The following PVT1 variants were observed in gnomAD, a reference collection of about 807,000 sequenced individuals.
PVT1 encodes the protein Pvt1 oncogene, also known as CXCR4/PVT1 fusion.
intron 2 of PVT1, among the ~76,000 whole-genome samples, chr8:127,831,151 C>CTATATA (rs762910145): frequency 1.4e-5 from 2 of 147,178 alleles, no homozygotes; most frequent in African/African-American, 5.2e-5. Flanking sequence ...CTCTCTCTCT[C>CTATATA]TCTCTATATA....
intron 2 of PVT1, among the ~76,000 whole-genome samples, chr8:127,880,732 CT>C: frequency 6.6e-6 from 1 of 152,018 alleles, no homozygotes; most frequent in East Asian, 1.9e-4. Flanking sequence ...TCCCGAGTAG[CT>C]GCGACTATAG....
At chr8:128,031,106 G>A (rs1813382032) in intron 4 of PVT1, among the ~76,000 whole-genome samples, 4 of 152,198 alleles carry the variant, frequency 2.6e-5, no homozygotes, top group African/African-American at 9.6e-5. Flanking sequence ...TGGGGTCGGC[G>A]CACCTGGCCT....
chr8:128,009,070 T>C, intron 4 of PVT1: 1 of 313,766 alleles, frequency 3.2e-6, no homozygotes, highest in South Asian at 2.8e-5. Flanking sequence ...ATCAAGATAA[T>C]TATGAAGTAT....
At chr8:128,052,550 T>A (rs186715201) in intron 4 of PVT1, among the ~76,000 whole-genome samples, 1 of 152,372 alleles carries the variant, frequency 6.6e-6, no homozygotes, top group Admixed American at 6.5e-5. Context: ...TTGCTGTTTC[T>A]ATGAAGGGAT....
At chr8:127,880,692 C>A (rs768004373) in intron 2 of PVT1, among the ~76,000 whole-genome samples, 4 of 149,998 alleles carry the variant, frequency 2.7e-5, no homozygotes, top group Non-Finnish European at 4.4e-5. Flanking sequence ...CTTCCGCCTG[C>A]TGGGTTCAAG....
At chr8:128,040,915 T>TGC (rs1813523925) in intron 4 of PVT1, among the ~76,000 whole-genome samples, 2 of 144,904 alleles carry the variant, frequency 1.4e-5, no homozygotes, top group South Asian at 2.3e-4. Context: ...CATGTGTGCA[T>TGC]ATGTGTGTGT....
At chr8:127,968,873 G>A (rs940068487) in intron 3 of PVT1, among the ~76,000 whole-genome samples, 1 of 152,176 alleles carries the variant, frequency 6.6e-6, no homozygotes, top group African/African-American at 2.4e-5. Flanking sequence ...ACAGCACCAA[G>A]TCAAGGGAGG....
chr8:128,045,634 GAAGGGTGTGTTAC>G (rs1295353253), intron 4 of PVT1, among the ~76,000 whole-genome samples: 1 of 152,200 alleles, frequency 6.6e-6, no homozygotes, highest in Non-Finnish European at 1.5e-5. Context: ...GAAGACTTTG[GAAGGGTGTGTTAC>G]AAAAGCAGTG....
At chr8:128,008,599 T>C (rs1329943591) in intron 4 of PVT1, among the ~76,000 whole-genome samples, 1 of 152,248 alleles carries the variant, frequency 6.6e-6, no homozygotes, top group East Asian at 1.9e-4. Flanking sequence ...TTCTAAATGT[T>C]AGTTTCATTG....
At chr8:127,984,737 G>A (rs1359682859) in intron 3 of PVT1, among the ~76,000 whole-genome samples, 1 of 152,138 alleles carries the variant, frequency 6.6e-6, no homozygotes, top group Non-Finnish European at 1.5e-5. Flanking sequence ...CACCCAAGCA[G>A]TTGGGATTAC....
intron 2 of PVT1, among the ~76,000 whole-genome samples, chr8:127,874,317 G>A (rs1815382448): frequency 6.6e-6 from 1 of 152,156 alleles, no homozygotes; most frequent in Non-Finnish European, 1.5e-5. Flanking sequence ...GCACAGAGGA[G>A]GAGAAGGGCT....
At chr8:127,900,641 G>A (rs1305081683) in intron 3 of PVT1, among the ~76,000 whole-genome samples, 1 of 152,138 alleles carries the variant, frequency 6.6e-6, no homozygotes, top group Admixed American at 6.5e-5. Context: ...CATTCCCTGG[G>A]CCACAGAGTC....
At chr8:128,066,157 G>C (rs535670886) in intron 4 of PVT1, among the ~76,000 whole-genome samples, 7 of 152,296 alleles carry the variant, frequency 4.6e-5, no homozygotes, top group Non-Finnish European at 1.0e-4. Flanking sequence ...ACCTGAAAGG[G>C]GATATACTTA....
At chr8:127,928,370 G>C (rs1816158291) in intron 3 of PVT1, among the ~76,000 whole-genome samples, 1 of 152,146 alleles carries the variant, frequency 6.6e-6, no homozygotes, top group Admixed American at 6.5e-5. Context: ...CACTTGCTCA[G>C]GCTGTATTGA....
At chr8:127,919,053 A>G (rs923994759) in intron 3 of PVT1, among the ~76,000 whole-genome samples, 9 of 152,162 alleles carry the variant, frequency 5.9e-5, no homozygotes, top group Admixed American at 4.6e-4. Context: ...AGGTTGGTGA[A>G]GGCAGTGCGC....
intron 4 of PVT1, among the ~76,000 whole-genome samples, chr8:128,043,993 A>T (rs1327031197): frequency 1.5e-5 from 2 of 137,162 alleles, no homozygotes; most frequent in Non-Finnish European, 3.1e-5. Flanking sequence ...CACCCGGTTA[A>T]TTTTTTTATT....
intron 4 of PVT1, among the ~76,000 whole-genome samples, chr8:128,036,274 A>G (rs557945918): frequency 3.3e-5 from 5 of 152,332 alleles, no homozygotes; most frequent in Admixed American, 6.5e-5. Context: ...AGTGATTTCC[A>G]TCTCATGCAT....
chr8:127,860,371 G>A (rs1815209284), intron 2 of PVT1, among the ~76,000 whole-genome samples: 1 of 152,210 alleles, frequency 6.6e-6, no homozygotes. Flanking sequence ...CTCCGGAGAG[G>A]AGCCTTTGGG....
chr8:128,097,989 G>A (rs1192278548), intron 6 of PVT1, among the ~76,000 whole-genome samples: 1 of 152,122 alleles, frequency 6.6e-6, no homozygotes, highest in Non-Finnish European at 1.5e-5. Flanking sequence ...CCCGGCACCT[G>A]GAACTCTGCT....
Sources: gnomAD v4.1 joint callset for allele counts (sites outside exome capture counted in the v4.1 genomes callset) on GRCh38, gnomAD v4.1.1 for gene constraint, MANE v1.5 for transcripts, NCBI Gene and HGNC (gene_info 2026-07-23, HGNC 2026-07-21) for gene names.